The following FDPS variants were observed in gnomAD, a reference collection of about 807,000 sequenced individuals.
FDPS encodes farnesyl pyrophosphate synthase.
In FDPS, 29 loss-of-function variants were observed where a neutral mutation model predicts 49.5. The ratio of observed to expected loss-of-function variants is 0.59; its 90% CI spans 0.44 to 0.80. The LOEUF is 0.80. Among genes scored for constraint, FDPS ranks in the 30% least tolerant of loss-of-function variants. FDPS has a pLI of 0.00. For missense variants in FDPS, 414 were observed against 525.6 expected, an observed-to-expected ratio of 0.79 and a Z score of 2.08; for synonymous variants, 172 against 206.4, an observed-to-expected ratio of 0.83 and a Z score of 1.43.
chr1:155,318,162 A>T lies in FDPS; in HGVS notation c.562-7A>T, dbSNP rs376368858. On this transcript the variant is annotated splice_region_variant and splice_polypyrimidine_tract_variant and intron_variant, in intron 5 of 10. Transcript: ENST00000368356. This position sits in a 1 kb window ranked among gnomAD's most constrained non-coding sequence, Gnocchi z 4.2. ...TTGATTGCTTGTTTTTCTGTCTGTC[A>T]TGACAGCCGGGCGTGGGTTTGGATG... is the stretch of plus-strand genomic sequence containing the variant. 1 of 1,614,080 alleles carries T rather than the reference A, an allele frequency of 6.2e-7. No individual in the cohort carries two copies.
In FDPS at chr1:155,309,823, G is replaced by T; in HGVS notation, c.34G>T (p.Val12Phe). The T allele has an allele frequency of 1.9e-6, 3 of 1,575,110 alleles. No individual in the cohort carries two copies. Among genetic ancestry groups the T allele is most frequent in the Non-Finnish European group, 1.7e-6 (2 of 1,156,526 alleles). ...GTCCCGCTGGTTGAGATCTGTGGGG[G>T]TCTTCCTGCTGCCAGCCCCCTACTG... ...PLSRWLRSVG[V>F]FLLPAPYWAP... Residue 12 changes from valine (V) to phenylalanine (F), a missense_variant, in exon 2 of 11, where the codon GTC becomes TTC. Physicochemically the swap from Val to Phe is conservative, Grantham distance 50. Coordinates refer to ENST00000368356, the MANE Select transcript of FDPS (RefSeq NM_002004.4).
intron 4 of FDPS, among the ~76,000 whole-genome samples, chr1:155,316,640 G>T (rs1649449967): frequency 6.6e-6 from 1 of 151,600 alleles, no homozygotes; most frequent in African/African-American, 2.4e-5. Context: ...AAATTAGCTG[G>T]CCTAGCAGTT....
At chr1:155,313,243 G>T (rs1283650609) in intron 4 of FDPS, among the ~76,000 whole-genome samples, 2 of 152,208 alleles carry the variant, frequency 1.3e-5, no homozygotes, top group Admixed American at 6.5e-5. Context: ...GTTCTCCTGT[G>T]TGCTTTCTCT....
intron 4 of FDPS, among the ~76,000 whole-genome samples, chr1:155,314,431 G>T (rs929677306): frequency 6.6e-6 from 1 of 151,562 alleles, no homozygotes; most frequent in Admixed American, 6.6e-5. Context: ...TGCCCATCTC[G>T]GCCTCCTAAA....
rs575712246 is a variant in FDPS at position 155,317,787 on chromosome 1, T to G, written c.481-154T>G. On this transcript the variant is annotated intron_variant, in intron 4 of 10. Transcript: ENST00000368356. ...TGAGCCTGGGAGTTAGAGGCTACAG[T>G]GAGCTGTGACTGCACCACTGCACTG... 7.7e-5 allele frequency: 47 copies of G among 609,292 alleles called. No individual in the cohort carries two copies. The African/African-American group carries it at 8.1e-4, about 11-fold the overall frequency. The allele number at this position is 609,292 out of a possible 1,614,324, so 37.7% of individuals were successfully genotyped here.
chr1:155,319,575 C>G lies in FDPS; in HGVS notation c.847-36C>G, dbSNP rs779782594. The G allele has an allele frequency of 8.1e-6, 13 of 1,608,566 alleles. No homozygotes were observed. In the Admixed American group the frequency reaches 2.0e-4, roughly 25 times the overall value. On this transcript the variant is annotated intron_variant, in intron 8 of 10. Coordinates refer to ENST00000368356, the MANE Select transcript of FDPS (RefSeq NM_002004.4). ...AGCAGCCAGGAAGATGCCGGCACCC[C>G]TGGGGTTTGGCTTATTAACCCCCCT...
At chr1:155,320,010 C>A in intron 10 of FDPS, 82 bp downstream of exon 10, 2 of 1,509,006 alleles carry the variant, frequency 1.3e-6, no homozygotes, top group Admixed American at 1.9e-5. Context: ...GTTTTCCTCC[C>A]GAGGGGACAT....
intron 10 of FDPS, chr1:155,320,169 A>G: frequency 1.5e-6 from 1 of 647,266 alleles, no homozygotes. Flanking sequence ...TCTGGTCCCA[A>G]ATTTCAATAG....
At position 155,318,461 on chromosome 1, in the gene FDPS, C is replaced by T; in HGVS notation, c.684+170C>T. On this transcript the variant is annotated intron_variant, in intron 6 of 10. Transcript: ENST00000368356. The surrounding 1 kb of genome is among the most constrained non-coding windows in gnomAD (Gnocchi z 4.2). ...GGGTTGTGGTAGTGGCAAGAAAGGG[C>T]TTCTCTGTCCTGTGTAATTGGAAGA... 1 of 867,912 alleles carries T rather than the reference C, an allele frequency of 1.2e-6. No individual in the cohort carries two copies. Among genetic ancestry groups the T allele is most frequent in the South Asian group, 1.5e-5 (1 of 66,096 alleles). 53.8% of individuals were successfully genotyped at this position (867,912 alleles called of 1,614,324 possible).
intron 4 of FDPS, among the ~76,000 whole-genome samples, chr1:155,315,693 C>CA (rs1194574887): frequency 1.4e-5 from 2 of 142,292 alleles, no homozygotes; most frequent in East Asian, 4.1e-4. Context: ...CAAAAAAAAA[C>CA]AAAAAACAAA....
rs201016550 is a variant in FDPS, at chr1:155,319,825, G to T, written c.956G>T (p.Ser319Ile). 1.5e-5 allele frequency: 24 copies of T among 1,614,180 alleles called. No homozygotes were observed. In the African/African-American group the frequency reaches 1.7e-4, roughly 12 times the overall value. Reference sequence around the variant, plus strand: ...TACCTTGACCTCTTTGGGGACCCCAGTGTGACCGGCAAAATTGGCACTGAC... The same window carrying T: ...TACCTTGACCTCTTTGGGGACCCCATTGTGACCGGCAAAATTGGCACTGAC... ...DDYLDLFGDP[S>I]VTGKIGTDIQ... The change falls in exon 10 of 11, where the codon AGT becomes ATT. Residue 319 changes from serine to isoleucine, a missense_variant. Coordinates refer to ENST00000368356, the MANE Select transcript of FDPS (RefSeq NM_002004.4).
rs984819221 is a variant in FDPS, at chr1:155,312,665, C to T, written c.480+270C>T. 8 of 374,342 alleles carry T rather than the reference C, an allele frequency of 2.1e-5. No homozygotes were observed. The Admixed American group carries it at 3.0e-4, about 14-fold the overall frequency. 23.2% of individuals were successfully genotyped at this position (374,342 alleles called of 1,614,324 possible). On this transcript the variant is annotated intron_variant, in intron 4 of 10. Transcript: ENST00000368356. ...GGCAGAGAGGTGTCAGCTCTTTCCT[C>T]TGAGCAGAGGATGGCTATAAAAGTG... is the stretch of plus-strand genomic sequence containing the variant.
chr1:155,319,509 A>G (rs1649986156), intron 8 of FDPS, 102 bp from the exon 9 acceptor site: 1 of 1,185,104 alleles, frequency 8.4e-7, no homozygotes, highest in Non-Finnish European at 1.2e-6. Flanking sequence ...AAGAGAGAGG[A>G]AAGATTTGGG....
intron 4 of FDPS, 87 bp from the exon 5 acceptor site, chr1:155,317,854 C>T (rs1024338725): frequency 2.4e-5 from 30 of 1,237,216 alleles, no homozygotes; most frequent in Non-Finnish European, 3.2e-5. Flanking sequence ...AAAAGCAAAA[C>T]TATATACAGA....
chr1:155,315,500 A>C (rs958231674), intron 4 of FDPS, among the ~76,000 whole-genome samples: 5 of 152,090 alleles, frequency 3.3e-5, no homozygotes, highest in African/African-American at 1.2e-4. Flanking sequence ...TAACATGGTG[A>C]AACCCCGTCT....
chr1:155,320,287 G>A, intron 10 of FDPS, 122 bp from the exon 11 acceptor site: 2 of 817,092 alleles, frequency 2.4e-6, no homozygotes, highest in Non-Finnish European at 4.0e-6. Flanking sequence ...TTGAAAATTG[G>A]AGGGAGGAAA....
At chr1:155,317,511 C>G (rs1247642909) in intron 4 of FDPS, 1 of 160,310 alleles carries the variant, frequency 6.2e-6, no homozygotes, top group Admixed American at 5.9e-5. Context: ...TCTCCCCATC[C>G]TGACTTTCCC....
rs1404602090 is a variant in FDPS at position 155,319,868 on chromosome 1, C to T, written c.999C>T (p.Cys333=). Residue 333 remains cysteine (C), a synonymous_variant, in exon 10 of 11, where the codon TGC becomes TGT. Coordinates refer to ENST00000368356, the MANE Select transcript of FDPS (RefSeq NM_002004.4). The stretch of plus-strand genomic sequence containing the variant: ...GCACTGACATCCAGGACAACAAATG[C>T]AGCTGGCTGGTGGTTCAGTGTCTGC... ...KIGTDIQDNK[C]SWLVVQCLQR... is the part of the protein sequence containing the mutation. 1.2e-6 allele frequency: 2 copies of T among 1,614,194 alleles called. No homozygotes were observed. Among genetic ancestry groups the T allele is most frequent in the Admixed American group, 1.7e-5 (1 of 60,016 alleles).
At chr1:155,314,728 G>A (rs771152710) in intron 4 of FDPS, among the ~76,000 whole-genome samples, 7 of 151,614 alleles carry the variant, frequency 4.6e-5, no homozygotes, top group South Asian at 4.2e-4. Flanking sequence ...TGCCTGCCTC[G>A]GCCTCCCAGA....
Sources: allele counts gnomAD v4.1 joint callset (sites outside exome capture counted in the v4.1 genomes callset), GRCh38; gene constraint gnomAD v4.1.1; non-coding constraint Gnocchi (gnomAD v3.1); transcripts MANE v1.5; gene names NCBI Gene and HGNC (gene_info 2026-07-23, HGNC 2026-07-21).